The following FOXO3 variants were observed in gnomAD, a reference collection of about 807,000 sequenced individuals.
FOXO3 encodes forkhead box protein O3.
In FOXO3, 4 loss-of-function variants were observed where a neutral mutation model predicts 41.9. The ratio of observed to expected loss-of-function variants is 0.10; its 90% CI spans 0.05 to 0.22. The LOEUF (loss-of-function observed/expected upper bound fraction) is 0.22. FOXO3 is among the 10% of genes least tolerant of loss of function. The pLI, the probability that FOXO3 is intolerant of heterozygous loss-of-function variation, is 1.00. For synonymous variants in FOXO3, 318 were observed against 389.3 expected (o/e 0.82, Z 2.16); for missense variants, 534 against 906.8 (o/e 0.59, Z 5.28).
At chr6:108,652,573 T>C (rs542810371) in intron 1 of FOXO3, among the ~76,000 whole-genome samples, 1 of 152,366 alleles carries the variant, frequency 6.6e-6, no homozygotes, top group South Asian at 2.1e-4. Flanking sequence ...CTTTTGAAGT[T>C]AGCCTCAGGC....
At chr6:108,650,368 A>G (rs1371464664) in intron 1 of FOXO3, among the ~76,000 whole-genome samples, 1 of 152,038 alleles carries the variant, frequency 6.6e-6, no homozygotes, top group African/African-American at 2.4e-5. Context: ...ACTGTTTCCT[A>G]CGTTCTTTTA....
At chr6:108,560,543 C>T (rs1478074021), upstream of FOXO3, among the ~76,000 whole-genome samples, 2 of 152,174 alleles carry the variant, frequency 1.3e-5, no homozygotes, top group African/African-American at 4.8e-5. Flanking sequence ...GCGCAGTCCC[C>T]GGGCTCGGGC....
Position 108,619,863 on chromosome 6 carries a change from T to A in FOXO3, c.622-43592T>A, listed in dbSNP as rs575190769. On this transcript the variant is annotated intron_variant, in intron 1 of 2. Coordinates refer to ENST00000406360, the MANE Select transcript of FOXO3 (RefSeq NM_001455.4). ...CTTAAGAGTTTTAATTTGGCGTGTC[T>A]TAATGCCTAAATCTCACTTAAGCTT... Among the ~76,000 whole-genome samples the A allele has an allele frequency of 3.3e-5, 5 of 152,342 alleles. No individual in the cohort carries two copies. In the East Asian group the frequency reaches 9.6e-4, roughly 29 times the overall value.
At chr6:108,625,049 C>T (rs1184759448) in intron 1 of FOXO3, among the ~76,000 whole-genome samples, 2 of 152,032 alleles carry the variant, frequency 1.3e-5, no homozygotes, top group Non-Finnish European at 2.9e-5. Flanking sequence ...CCCAAGCAGC[C>T]GGAATTATAG....
chr6:108,604,147 G>A (rs1299020650), intron 1 of FOXO3, among the ~76,000 whole-genome samples: 1 of 152,174 alleles, frequency 6.6e-6, no homozygotes, highest in Non-Finnish European at 1.5e-5. Flanking sequence ...GAAGAGGTCA[G>A]AAGTAGCTAG....
chr6:108,658,487 A>T (rs1028939128), intron 1 of FOXO3, among the ~76,000 whole-genome samples: 1 of 152,186 alleles, frequency 6.6e-6, no homozygotes, highest in Non-Finnish European at 1.5e-5. Context: ...CATCTATTTA[A>T]TAAGTTGGGC....
intron 1 of FOXO3, among the ~76,000 whole-genome samples, chr6:108,658,008 AC>A (rs989504410): frequency 1.7e-4 from 26 of 152,274 alleles, no homozygotes; most frequent in Admixed American, 1.6e-3. Context: ...GTTGGCTCTT[AC>A]ATGTGAGTTT....
intron 1 of FOXO3, among the ~76,000 whole-genome samples, chr6:108,573,473 G>A (rs1776166988): frequency 6.6e-6 from 1 of 152,098 alleles, no homozygotes; most frequent in African/African-American, 2.4e-5. Context: ...TGTGCTGGTG[G>A]GAGGTGAACT....
intron 1 of FOXO3, among the ~76,000 whole-genome samples, chr6:108,610,238 A>G (rs1249249613): frequency 1.3e-5 from 2 of 151,978 alleles, no homozygotes; most frequent in African/African-American, 2.4e-5. Flanking sequence ...ATATTCTTCA[A>G]TATTATAGGT....
chr6:108,584,424 C>T (rs1469537228), intron 1 of FOXO3, among the ~76,000 whole-genome samples: 1 of 152,022 alleles, frequency 6.6e-6, no homozygotes, highest in East Asian at 1.9e-4. Context: ...TTTTGCAACC[C>T]TCAAGGAAAA....
intron 1 of FOXO3, among the ~76,000 whole-genome samples, chr6:108,660,694 A>C (rs1778818802): frequency 6.6e-6 from 1 of 152,044 alleles, no homozygotes; most frequent in Non-Finnish European, 1.5e-5. Context: ...AACATAGTGA[A>C]ACCCTGTCTC....
intron 2 of FOXO3, among the ~76,000 whole-genome samples, chr6:108,676,771 T>C (rs1236186183): frequency 6.6e-6 from 1 of 152,242 alleles, no homozygotes; most frequent in Non-Finnish European, 1.5e-5. Flanking sequence ...CTGTCCTTGA[T>C]TGAATCAGAT....
intron 1 of FOXO3, among the ~76,000 whole-genome samples, chr6:108,567,836 C>T (rs1341631457): frequency 2.0e-5 from 3 of 152,138 alleles, no homozygotes; most frequent in African/African-American, 7.2e-5. Context: ...CACCTGAGGT[C>T]AGGAGTTCGA....
chr6:108,604,435 T>C (rs1232319049), intron 1 of FOXO3, among the ~76,000 whole-genome samples: 1 of 152,180 alleles, frequency 6.6e-6, no homozygotes, highest in East Asian at 1.9e-4. Flanking sequence ...TTTTTTCTTT[T>C]CGAATTTAAA....
chr6:108,660,797 G>A (rs1778822155), intron 1 of FOXO3, among the ~76,000 whole-genome samples: 1 of 152,172 alleles, frequency 6.6e-6, no homozygotes, highest in African/African-American at 2.4e-5. Context: ...ACGAGGTCAG[G>A]AGATCGAGAC....
chr6:108,604,941 G>A (rs942552907), intron 1 of FOXO3, among the ~76,000 whole-genome samples: 2 of 152,130 alleles, frequency 1.3e-5, no homozygotes, highest in African/African-American at 4.8e-5. Context: ...GAAGTCAAAT[G>A]TTTCTGTTTT....
At chr6:108,618,347 C>T (rs1049319351) in intron 1 of FOXO3, 34 of 582,218 alleles carry the variant, frequency 5.8e-5, no homozygotes, top group Non-Finnish European at 9.6e-5. Context: ...CCACACTGAA[C>T]GAGCACATGA....
chr6:108,612,562 C>T (rs917649397), intron 1 of FOXO3, among the ~76,000 whole-genome samples: 4 of 151,952 alleles, frequency 2.6e-5, no homozygotes, highest in Admixed American at 1.3e-4. Context: ...CACCTGTAAT[C>T]CCGGCTACTC....
At chr6:108,591,578 G>T (rs1562236581) in intron 1 of FOXO3, among the ~76,000 whole-genome samples, 1 of 152,190 alleles carries the variant, frequency 6.6e-6, no homozygotes, top group Non-Finnish European at 1.5e-5. Flanking sequence ...CAGGCATTCA[G>T]GAAGCAGCAC....
Sources: allele counts gnomAD v4.1 joint callset (sites outside exome capture counted in the v4.1 genomes callset), GRCh38; gene constraint gnomAD v4.1.1; transcripts MANE v1.5; gene names NCBI Gene and HGNC (gene_info 2026-07-23, HGNC 2026-07-21).